Variants in SYTL3 observed in about 807,000 individuals in gnomAD.
SYTL3 encodes synaptotagmin like 3.
SYTL3 carries 88 observed loss-of-function variants against 82.1 expected under a neutral mutation model. The observed-to-expected ratio is 1.07, with a 90% CI of 0.90 to 1.28. The LOEUF is 1.28. SYTL3 is among the 50% of genes most tolerant of loss of function. The pLI is 0.00. For synonymous variants in SYTL3, 311 were observed against 289.4 expected (o/e 1.07, Z -0.76); for missense variants, 831 against 757.6 (o/e 1.10, Z -1.14).
intron 6 of SYTL3, among the ~76,000 whole-genome samples, chr6:158,685,957 T>A (rs1405925030): frequency 1.3e-5 from 2 of 152,242 alleles, no homozygotes; most frequent in Non-Finnish European, 2.9e-5. Context: ...TTGTCATTTC[T>A]CAATGCCAGC....
intron 2 of SYTL3, among the ~76,000 whole-genome samples, chr6:158,652,838 G>A (rs1788198366): frequency 1.3e-5 from 2 of 152,340 alleles, no homozygotes; most frequent in East Asian, 1.9e-4. Context: ...ACCGCACCCA[G>A]CCGAGTCTTC....
intron 6 of SYTL3, among the ~76,000 whole-genome samples, chr6:158,699,838 C>T (rs1780975360): frequency 6.6e-6 from 1 of 151,850 alleles, no homozygotes; most frequent in African/African-American, 2.4e-5. Context: ...ATCCCAGCTA[C>T]TCCGAGCCTG....
intron 13 of SYTL3, among the ~76,000 whole-genome samples, chr6:158,753,911 A>G (rs1788740056): frequency 6.6e-6 from 1 of 151,924 alleles, no homozygotes; most frequent in Non-Finnish European, 1.5e-5. Flanking sequence ...GGCATCTCTA[A>G]TTGATCCTAA....
chr6:158,738,301 T>C (rs1425120411), intron 11 of SYTL3, among the ~76,000 whole-genome samples: 1 of 152,172 alleles, frequency 6.6e-6, no homozygotes, highest in Non-Finnish European at 1.5e-5. Flanking sequence ...TTTTCAAACC[T>C]GCTCTTCCTC....
chr6:158,670,375 A>C (rs975352328), intron 5 of SYTL3, among the ~76,000 whole-genome samples: 1 of 152,272 alleles, frequency 6.6e-6, no homozygotes, highest in African/African-American at 2.4e-5. Flanking sequence ...AGTGTGATAC[A>C]GGAGAGTTGG....
intron 11 of SYTL3, among the ~76,000 whole-genome samples, chr6:158,738,650 C>T (rs1786513832): frequency 6.6e-6 from 1 of 152,094 alleles, no homozygotes; most frequent in South Asian, 2.1e-4. Flanking sequence ...CCCACCTCAG[C>T]TAATCTTTTT....
At chr6:158,720,045 C>T (rs1783896690) in intron 10 of SYTL3, among the ~76,000 whole-genome samples, 1 of 152,152 alleles carries the variant, frequency 6.6e-6, no homozygotes, top group Non-Finnish European at 1.5e-5. Context: ...GCCATGGTTG[C>T]ACCACTGCAC....
At chr6:158,669,213 A>C (rs2128378139) in intron 5 of SYTL3, among the ~76,000 whole-genome samples, 1 of 152,312 alleles carries the variant, frequency 6.6e-6, no homozygotes, top group South Asian at 2.1e-4. Flanking sequence ...TTATGTTTGC[A>C]TTAATTTTTT....
chr6:158,703,259 A>G (rs2128445734), intron 6 of SYTL3, among the ~76,000 whole-genome samples: 1 of 151,848 alleles, frequency 6.6e-6, no homozygotes, highest in South Asian at 2.1e-4. Context: ...ACGGCTGCCA[A>G]CCAGCCATGT....
rs1014735559 is a variant in SYTL3, at chr6:158,762,120, C to T, written c.1459C>T (p.Leu487=). 2.5e-6 allele frequency: 4 copies of T among 1,613,776 alleles called. No individual in the cohort carries two copies. In the African/African-American group the frequency reaches 5.3e-5, roughly 22 times the overall value. ...SLHGQLCLVV[L]GAKNLPVRPD... is the part of the protein sequence containing the mutation. Reference sequence around the variant, plus strand: ...TCATGGTCAACTTTGTTTGGTAGTGCTAGGAGCCAAGAATTTACCTGTGCG... The same window carrying T: ...TCATGGTCAACTTTGTTTGGTAGTGTTAGGAGCCAAGAATTTACCTGTGCG... Residue 487 remains leucine (L), a synonymous_variant, in exon 16 of 18, where the codon CTA becomes TTA. Transcript: ENST00000611299.
rs375252621 is a variant in SYTL3 at position 158,669,195 on chromosome 6, TTGA to T, written c.329+3587_329+3589del. Among the ~76,000 whole-genome samples the T allele has an allele frequency of 4.3e-4, 66 of 152,332 alleles. No individual in the cohort carries two copies. In the South Asian group the frequency reaches 0.013, roughly 31 times the overall value. ...CTTCATCAAAAAAATAAGATTAACC[TTGA>T]TGATTTATGTTTGCATTAATTTTTT... On this transcript the variant is annotated intron_variant, in intron 5 of 17. Transcript: ENST00000611299.
intron 6 of SYTL3, among the ~76,000 whole-genome samples, chr6:158,690,380 A>T (rs760087975): frequency 6.6e-6 from 1 of 152,224 alleles, no homozygotes; most frequent in Non-Finnish European, 1.5e-5. Context: ...GGGGAAACCT[A>T]AAGCTAAATG....
In SYTL3 at chr6:158,663,312, G is replaced by T. The variant is rs1312068037; in HGVS notation, c.44G>T (p.Arg15Leu). The T allele has an allele frequency of 3.1e-6, 5 of 1,614,118 alleles. No homozygotes were observed. The highest frequency in any genetic ancestry group is 4.2e-6 in the Non-Finnish European group (5 of 1,180,020). Residue 15 changes from arginine to leucine, a missense_variant, in exon 4 of 18, where the codon CGC becomes CTC. By Grantham distance (102) the Arg-to-Leu change is moderately radical. Transcript: ENST00000611299. ...CTGAGTGCTCTCAAGGAGTTAGAAC[G>T]CGAGGCCATTCTCCAGGTCCTGTAC... ...IDLSALKELE[R>L]EAILQVLYRD... is the part of the protein sequence containing the mutation.
chr6:158,678,398 A>G (rs548749286), intron 5 of SYTL3, among the ~76,000 whole-genome samples: 1 of 152,290 alleles, frequency 6.6e-6, no homozygotes, highest in East Asian at 1.9e-4. Flanking sequence ...TGGAACATAC[A>G]GTGTAGATGC....
chr6:158,695,240 G>A (rs1345718606), intron 6 of SYTL3, among the ~76,000 whole-genome samples: 1 of 152,164 alleles, frequency 6.6e-6, no homozygotes, highest in Non-Finnish European at 1.5e-5. Flanking sequence ...CTCTACTCTA[G>A]AAGATCAGTT....
chr6:158,688,463 T>G (rs187694112), intron 6 of SYTL3, among the ~76,000 whole-genome samples: 1 of 152,296 alleles, frequency 6.6e-6, no homozygotes, highest in African/African-American at 2.4e-5. Context: ...TCAAATTACA[T>G]TCACGTAAAA....
At chr6:158,699,745 C>G (rs1343860250) in intron 6 of SYTL3, among the ~76,000 whole-genome samples, 1 of 151,500 alleles carries the variant, frequency 6.6e-6, no homozygotes, top group Admixed American at 6.6e-5. Context: ...TTCAGGAGTT[C>G]GAGACCACCT....
At chr6:158,666,346 G>A (rs531483744) in intron 5 of SYTL3, among the ~76,000 whole-genome samples, 6 of 152,276 alleles carry the variant, frequency 3.9e-5, no homozygotes, top group Middle Eastern at 3.4e-3. Flanking sequence ...CTGAATCTAC[G>A]TTTATAGTTA....
At position 158,718,299 on chromosome 6, in the gene SYTL3, T is replaced by C. The variant is rs1783660329; in HGVS notation, c.720+88T>C. The C allele has an allele frequency of 3.1e-6, 4 of 1,284,290 alleles. No individual in the cohort carries two copies. In the South Asian group the frequency reaches 9.1e-5, roughly 29 times the overall value. The allele number at this position is 1,284,290 out of a possible 1,614,324, so 79.6% of individuals were successfully genotyped here. On this transcript the variant is annotated intron_variant, in intron 10 of 17. Coordinates refer to ENST00000611299, the MANE Select transcript of SYTL3 (RefSeq NM_001242394.2). Reference sequence around the variant, plus strand: ...AGCCTGCCTTCTCTGTAGATTTATGTTTTCTTTGGTTTTATAGAAAAACAG... The same window carrying C: ...AGCCTGCCTTCTCTGTAGATTTATGCTTTCTTTGGTTTTATAGAAAAACAG...
Sources: allele counts gnomAD v4.1 joint callset (sites outside exome capture counted in the v4.1 genomes callset), GRCh38; gene constraint gnomAD v4.1.1; transcripts MANE v1.5; gene names NCBI Gene and HGNC (gene_info 2026-07-23, HGNC 2026-07-21).